The following KIF1A variants were observed in gnomAD, a reference collection of about 807,000 sequenced individuals.
KIF1A encodes kinesin-like protein KIF1A.
In KIF1A, 46 loss-of-function variants were observed where a neutral mutation model predicts 227.3. That is an observed-to-expected ratio of 0.20 (90% CI 0.16 to 0.26). The LOEUF (loss-of-function observed/expected upper bound fraction) is 0.26, where lower values mean the gene tolerates loss of function less well. KIF1A is among the 10% of genes least tolerant of loss of function. KIF1A has a pLI of 1.00. For missense variants in KIF1A, 1,683 were observed against 2,485.9 expected (o/e 0.68, Z 6.87); for synonymous variants, 1,022 against 1,012.8 (o/e 1.01, Z -0.17).
At chr2:240,732,103 ATGAGGGGAGGAGGGATGAGGG>A (rs1370058341) in intron 38 of KIF1A, among the ~76,000 whole-genome samples, 2 of 21,778 alleles carry the variant, frequency 9.2e-5, no homozygotes. Flanking sequence ...GGAGGAGAGA[ATGAGGGGAGGAGGGATGAGGG>A]GAGGGGAGGA....
chr2:240,794,978 C>A (rs1183351142), intron 2 of KIF1A, among the ~76,000 whole-genome samples: 1 of 152,212 alleles, frequency 6.6e-6, no homozygotes, highest in Non-Finnish European at 1.5e-5. Flanking sequence ...AGGCTCTCCA[C>A]CCCTACCCTG....
rs142905232 is a variant in KIF1A, at chr2:240,779,319, C to G, written c.882+3271G>C. Among the ~76,000 whole-genome samples the G allele has an allele frequency of 2.2e-3, 171 of 77,536 alleles. 19 individuals are homozygous for G. Among genetic ancestry groups the G allele is most frequent in the African/African-American group, 4.4e-3 (63 of 14,442 alleles). 50.9% of individuals were successfully genotyped at this position (77,536 alleles called of 152,430 possible). ...AGTTCCACACTCAGTTCCTCACTCA[C>G]TTCCTCACTCAGTTCCTCATAGTTC... On this transcript the variant is annotated intron_variant, in intron 10 of 48. Transcript: ENST00000498729.
At chr2:240,742,617 C>T (rs1164600343) in intron 34 of KIF1A, among the ~76,000 whole-genome samples, 1 of 152,166 alleles carries the variant, frequency 6.6e-6, no homozygotes, top group Non-Finnish European at 1.5e-5. Context: ...TGCCTTTCAT[C>T]CCCAAATCTC....
intron 1 of KIF1A, among the ~76,000 whole-genome samples, chr2:240,811,355 A>T (rs1266485432): frequency 6.6e-6 from 1 of 151,938 alleles, no homozygotes; most frequent in East Asian, 1.9e-4. Context: ...ACAGCGTGAG[A>T]CTCCATCTCA....
intron 8 of KIF1A, 95 bp from the exon 9 acceptor site, chr2:240,783,204 G>A: frequency 1.0e-6 from 1 of 960,324 alleles, no homozygotes; most frequent in Non-Finnish European, 1.7e-6. Flanking sequence ...GCAGTGTGGA[G>A]TGGAGGCCAC....
In KIF1A at chr2:240,784,981, T is replaced by C. The variant is rs1201860847; in HGVS notation, c.720+8A>G. ...TTGGTGGCACCGCCTGTGAGGCCAC[T>C]CACTCACCTTCTCCGTGGTGATATT... On this transcript the variant is annotated splice_region_variant and intron_variant, in intron 7 of 48. Transcript: ENST00000498729. 6.2e-7 allele frequency: 1 copy of C among 1,608,772 alleles called. No homozygotes were observed. Among genetic ancestry groups the C allele is most frequent in the South Asian group, 1.1e-5 (1 of 90,982 alleles).
Position 240,786,669 on chromosome 2 carries a change from C to A in KIF1A, c.430-156G>T, listed in dbSNP as rs538588747. ...GGACCCCTGAGTGAGGGGGTGGGGG[C>A]CACCACCAGGACCCCTGAGGGGATG... On this transcript the variant is annotated intron_variant, in intron 5 of 48. Transcript: ENST00000498729. 0.025 allele frequency among the ~76,000 whole-genome samples: 3,489 copies of A among 138,816 alleles called. 182 individuals carry two copies. Among genetic ancestry groups the A allele is most frequent in the African/African-American group, 0.087 (3,222 of 36,972 alleles). The allele number at this position is 138,816 out of a possible 152,430, so 91.1% of individuals were successfully genotyped here.
chr2:240,811,662 C>T (rs1293161623), intron 1 of KIF1A, among the ~76,000 whole-genome samples: 8 of 152,082 alleles, frequency 5.3e-5, no homozygotes, highest in African/African-American at 1.9e-4. Flanking sequence ...TCATCAGAAA[C>T]AAGAAGCATG....
In KIF1A at chr2:240,727,057, G is replaced by A. The variant is rs1040359888; in HGVS notation, c.4008-117C>T. ...AGGGGCAGCCGCAAGGGAGCGGCTG[G>A]GGGCACAGGCTGGAAGCCCGGGCGG... On this transcript the variant is annotated intron_variant, in intron 38 of 48. Coordinates refer to ENST00000498729, the MANE Select transcript of KIF1A (RefSeq NM_001244008.2). The A allele has an allele frequency of 9.5e-5, 58 of 613,016 alleles. 2 individuals are homozygous for A. In the Middle Eastern group the frequency reaches 3.5e-3, roughly 37 times the overall value. The allele number at this position is 613,016 out of a possible 1,614,324, so 38.0% of individuals were successfully genotyped here.
intron 31 of KIF1A, 26 bp downstream of exon 31, chr2:240,745,712 G>T: frequency 6.2e-7 from 1 of 1,606,898 alleles, no homozygotes. Context: ...GCGCAGCGCA[G>T]GGACACAAAG....
In KIF1A at chr2:240,775,783, T is replaced by G. The variant is rs1468340174; in HGVS notation, c.958+68A>C. On this transcript the variant is annotated intron_variant, in intron 11 of 48. Coordinates refer to ENST00000498729, the MANE Select transcript of KIF1A (RefSeq NM_001244008.2). This position sits in a 1 kb window ranked among gnomAD's most constrained non-coding sequence, Gnocchi z 5.5. ...TGCTGGCGACTGGGCACCCCCTCAG[T>G]GGGGAAGAAGGGCACAGCCCAGGGT... 9.3e-7 allele frequency: 1 copy of G among 1,077,332 alleles called. No individual in the cohort carries two copies. Among genetic ancestry groups the G allele is most frequent in the Non-Finnish European group, 1.4e-6 (1 of 692,904 alleles). 66.7% of individuals were successfully genotyped at this position (1,077,332 alleles called of 1,614,324 possible).
chr2:240,718,004 G>A (rs762036585), intron 48 of KIF1A, 46 bp downstream of exon 48: 43 of 1,281,978 alleles, frequency 3.4e-5, no homozygotes, highest in Admixed American at 5.8e-5. Context: ...AGCCGGTTGA[G>A]GGCAGGACCC....
intron 28 of KIF1A, among the ~76,000 whole-genome samples, chr2:240,748,310 T>A (rs1575567849): frequency 1.3e-5 from 2 of 152,152 alleles, no homozygotes; most frequent in East Asian, 3.9e-4. Context: ...AAGGTAGAGC[T>A]TTGCACTGAG....
chr2:240,737,225 G>A (rs531346760), intron 37 of KIF1A, 57 bp from the exon 38 acceptor site: 651 of 1,426,120 alleles, frequency 4.6e-4, no homozygotes, highest in African/African-American at 2.8e-3. Context: ...GGGACCCTGG[G>A]GGGCTGCCTC....
intron 1 of KIF1A, among the ~76,000 whole-genome samples, chr2:240,813,635 C>T (rs952701957): frequency 6.6e-6 from 1 of 152,156 alleles, no homozygotes; most frequent in Admixed American, 6.5e-5. Flanking sequence ...CACCCCTTCA[C>T]CTAAGCCAGG....
Position 240,787,971 on chromosome 2 carries a change from G to T in KIF1A, c.363+80C>A, listed in dbSNP as rs1339582298. The T allele has an allele frequency of 4.4e-6, 6 of 1,359,572 alleles. No individual in the cohort carries two copies. In the African/African-American group the frequency reaches 8.7e-5, roughly 20 times the overall value. 84.2% of individuals were successfully genotyped at this position (1,359,572 alleles called of 1,614,324 possible). On this transcript the variant is annotated intron_variant, in intron 4 of 48. Coordinates refer to ENST00000498729, the MANE Select transcript of KIF1A (RefSeq NM_001244008.2). ...TGCTCTCTGGGGGCTGCTCTCAGGG[G>T]TGCCTGGCCCGGAGCTCTCAGCCTC...
chr2:240,760,424 C>T (rs550733733), intron 25 of KIF1A, among the ~76,000 whole-genome samples: 14 of 152,252 alleles, frequency 9.2e-5, no homozygotes, highest in Non-Finnish European at 4.4e-5. Flanking sequence ...TCCTTTCCTC[C>T]GAAAGAAAAT....
intron 17 of KIF1A, 66 bp from the exon 18 acceptor site, chr2:240,767,411 C>T: frequency 2.3e-6 from 3 of 1,315,068 alleles, no homozygotes; most frequent in East Asian, 2.4e-5. Context: ...GCCACACCCC[C>T]CTCCAACCTC....
At position 240,758,504 on chromosome 2, in the gene KIF1A, G is replaced by A; in HGVS notation, c.2445-7C>T. 1.9e-6 allele frequency: 3 copies of A among 1,564,532 alleles called. No homozygotes were observed. The highest frequency in any genetic ancestry group is 2.6e-6 in the Non-Finnish European group (3 of 1,153,392). On this transcript the variant is annotated splice_region_variant and splice_polypyrimidine_tract_variant and intron_variant, in intron 25 of 48. Transcript: ENST00000498729. The surrounding 1 kb of genome is among the most constrained non-coding windows in gnomAD (Gnocchi z 5.2). ...CATCAGGTCCAGACGCTGCCTGCAG[G>A]GACGGCAGGGGTCAATGTGGACCCA...
Sources: allele counts gnomAD v4.1 joint callset (sites outside exome capture counted in the v4.1 genomes callset), GRCh38; gene constraint gnomAD v4.1.1; non-coding constraint Gnocchi (gnomAD v3.1); transcripts MANE v1.5; gene names NCBI Gene and HGNC (gene_info 2026-07-23, HGNC 2026-07-21).